Variants in ENTREP2 observed in about 807,000 individuals in gnomAD.
The protein encoded by ENTREP2 is endosomal transmembrane epsin interactor 2, also known as protein ENTREP2.
the ENTREP2 span, among the ~76,000 whole-genome samples, chr15:29,410,879 A>G: frequency 6.6e-6 from 1 of 152,246 alleles, no homozygotes; most frequent in South Asian, 2.1e-4. Flanking sequence ...TCCGCCTCCC[A>G]GGTTCAAGCA....
the ENTREP2 span, among the ~76,000 whole-genome samples, chr15:29,186,473 T>C: frequency 6.6e-6 from 1 of 152,332 alleles, no homozygotes; most frequent in East Asian, 1.9e-4. Flanking sequence ...GGGACTGCAA[T>C]CTGGAAGGAG....
At chr15:29,563,722 T>C in the ENTREP2 span, among the ~76,000 whole-genome samples, 1 of 152,022 alleles carries the variant, frequency 6.6e-6, no homozygotes, top group African/African-American at 2.4e-5. Context: ...TCCCAGCTAC[T>C]CAGGAGGCTG....
At chr15:29,487,021 A>G in the ENTREP2 span, among the ~76,000 whole-genome samples, 4 of 152,212 alleles carry the variant, frequency 2.6e-5, no homozygotes, top group Non-Finnish European at 5.9e-5. Flanking sequence ...TATATTCTCA[A>G]AAAGCTAGAA....
the ENTREP2 span, among the ~76,000 whole-genome samples, chr15:29,404,344 C>A: frequency 1.3e-5 from 2 of 151,962 alleles, no homozygotes; most frequent in African/African-American, 4.8e-5. Flanking sequence ...GGGAACCCCC[C>A]CATCTGACTA....
chr15:29,615,148 A>C, the ENTREP2 span, among the ~76,000 whole-genome samples: 1 of 150,334 alleles, frequency 6.7e-6, no homozygotes, highest in African/African-American at 2.5e-5. Flanking sequence ...TTCTCTCACA[A>C]ATTTTTTTTT....
the ENTREP2 span, among the ~76,000 whole-genome samples, chr15:29,485,731 C>T: frequency 6.6e-6 from 1 of 152,138 alleles, no homozygotes; most frequent in Admixed American, 6.5e-5. Flanking sequence ...AGAAGACATA[C>T]AAATGGCCAG....
At chr15:29,177,971 C>A in the ENTREP2 span, among the ~76,000 whole-genome samples, 4 of 151,878 alleles carry the variant, frequency 2.6e-5, no homozygotes, top group Admixed American at 1.3e-4. Context: ...AATTAAAGTG[C>A]CTAAAAATAC....
chr15:29,213,735 C>T, the ENTREP2 span, among the ~76,000 whole-genome samples: 1 of 152,084 alleles, frequency 6.6e-6, no homozygotes, highest in African/African-American at 2.4e-5. Flanking sequence ...GCAAAAGAAA[C>T]TACCATCAGA....
the ENTREP2 span, among the ~76,000 whole-genome samples, chr15:29,483,637 T>C: frequency 6.6e-6 from 1 of 152,236 alleles, no homozygotes; most frequent in African/African-American, 2.4e-5. Flanking sequence ...TCTAACTAGT[T>C]AGAAATAAAT....
At chr15:29,311,456 G>A in the ENTREP2 span, among the ~76,000 whole-genome samples, 1 of 152,154 alleles carries the variant, frequency 6.6e-6, no homozygotes, top group African/African-American at 2.4e-5. Flanking sequence ...TTGGGAGGGC[G>A]AGGTGGGCGG....
chr15:29,150,344 G>T, the ENTREP2 span, among the ~76,000 whole-genome samples: 3 of 152,238 alleles, frequency 2.0e-5, no homozygotes, highest in Non-Finnish European at 2.9e-5. Context: ...CTTATAAAGA[G>T]AATTTACTTT....
chr15:29,429,194 C>T, the ENTREP2 span, among the ~76,000 whole-genome samples: 32 of 34,272 alleles, frequency 9.3e-4, no homozygotes, highest in African/African-American at 2.5e-3. Context: ...TCTATCTATC[C>T]ATCCATCCAT....
At chr15:29,153,285 C>A in the ENTREP2 span, among the ~76,000 whole-genome samples, 1 of 152,238 alleles carries the variant, frequency 6.6e-6, no homozygotes, top group East Asian at 1.9e-4. Flanking sequence ...TCTTAGTCAG[C>A]TCAGGCTGCT....
At chr15:29,479,917 G>C in the ENTREP2 span, among the ~76,000 whole-genome samples, 1 of 152,136 alleles carries the variant, frequency 6.6e-6, no homozygotes, top group African/African-American at 2.4e-5. Context: ...GAGGAGAACA[G>C]AGCCCAGGAA....
chr15:29,228,328 C>G, the ENTREP2 span, among the ~76,000 whole-genome samples: 1 of 152,050 alleles, frequency 6.6e-6, no homozygotes, highest in Non-Finnish European at 1.5e-5. Context: ...CAAACAAAAA[C>G]AAAAACAAAA....
chr15:29,616,727 TAGTC>T, the ENTREP2 span, among the ~76,000 whole-genome samples: 1 of 152,178 alleles, frequency 6.6e-6, no homozygotes, highest in Non-Finnish European at 1.5e-5. Flanking sequence ...ACTTTTATAT[TAGTC>T]AGGATTCTCC....
At chr15:29,376,302 T>C in the ENTREP2 span, 1 of 152,116 alleles carries the variant, frequency 6.6e-6, no homozygotes, top group South Asian at 2.1e-4. Flanking sequence ...ACATAAGCCA[T>C]CACAAGATGG....
At chr15:29,554,586 T>C in the ENTREP2 span, among the ~76,000 whole-genome samples, 3 of 149,622 alleles carry the variant, frequency 2.0e-5, no homozygotes, top group Non-Finnish European at 4.4e-5. Flanking sequence ...AAAATCTTTG[T>C]CTTTATGGGA....
At chr15:29,269,923 C>T in the ENTREP2 span, 2 of 489,900 alleles carry the variant, frequency 4.1e-6, no homozygotes, top group African/African-American at 2.0e-5. Flanking sequence ...TTCCGTGCAG[C>T]CCTGCAGGTC....
Sources: allele counts gnomAD v4.1 joint callset (sites outside exome capture counted in the v4.1 genomes callset), GRCh38; gene constraint gnomAD v4.1.1; transcripts MANE v1.5; gene names NCBI Gene and HGNC (gene_info 2026-07-23, HGNC 2026-07-21).